Variants in PSD3 observed in about 807,000 individuals in gnomAD.
PSD3 encodes the protein pleckstrin and Sec7 domain containing 3.
A neutral mutation model predicts 105.5 loss-of-function variants in PSD3; 49 were observed. That is an observed-to-expected ratio of 0.46 (90% CI 0.37 to 0.59). The LOEUF (loss-of-function observed/expected upper bound fraction) is 0.59, where lower values mean the gene tolerates loss of function less well. Among genes scored for constraint, PSD3 ranks in the 20% least tolerant of loss-of-function variants. PSD3 has a pLI of 0.00. For synonymous variants in PSD3, 557 were observed against 457.8 expected (o/e 1.22, Z -2.77); for missense variants, 1,561 against 1,263.8 (o/e 1.24, Z -3.57).
chr8:19,029,202 G>A (rs1216595865), intron 1 of PSD3, among the ~76,000 whole-genome samples: 5 of 152,160 alleles, frequency 3.3e-5, no homozygotes, highest in Non-Finnish European at 2.9e-5. Flanking sequence ...AAAATGTCCA[G>A]TATGATGTCA....
intron 9 of PSD3, among the ~76,000 whole-genome samples, chr8:18,756,092 G>A (rs570256575): frequency 6.8e-4 from 104 of 152,226 alleles, no homozygotes; most frequent in African/African-American, 2.4e-3. Context: ...TCTCTTAAAA[G>A]GCTCTCCGAC....
intron 10 of PSD3, among the ~76,000 whole-genome samples, chr8:18,643,521 A>G (rs73587503): frequency 0.034 from 5,200 of 152,310 alleles, 285 homozygotes; most frequent in African/African-American, 0.12. Context: ...GGCCTGTGAA[A>G]TCAAACAAGT....
At chr8:18,717,512 A>G (rs1178615706) in intron 9 of PSD3, among the ~76,000 whole-genome samples, 3 of 152,320 alleles carry the variant, frequency 2.0e-5, no homozygotes, top group Non-Finnish European at 2.9e-5. Context: ...GAGCCAAAAC[A>G]TATTTTGCTC....
At chr8:19,072,041 C>G (rs534130982) in intron 1 of PSD3, among the ~76,000 whole-genome samples, 45 of 151,496 alleles carry the variant, frequency 3.0e-4, no homozygotes, top group Middle Eastern at 3.4e-3. Flanking sequence ...GTTAGAGGAC[C>G]CTGATGCACA....
chr8:19,067,599 G>A (rs991076617), intron 1 of PSD3, among the ~76,000 whole-genome samples: 5 of 152,190 alleles, frequency 3.3e-5, no homozygotes, highest in Admixed American at 2.0e-4. Flanking sequence ...ACAGTCGGGT[G>A]GTTCAGGCAC....
chr8:18,886,771 T>TTTGCC (rs1006725202), intron 2 of PSD3, among the ~76,000 whole-genome samples: 25 of 152,144 alleles, frequency 1.6e-4, no homozygotes, highest in African/African-American at 5.3e-4. Context: ...GGCAGCCCCT[T>TTTGCC]TTGCCCTGCA....
chr8:18,658,187 C>CA (rs1809041924), intron 9 of PSD3, among the ~76,000 whole-genome samples: 1 of 152,200 alleles, frequency 6.6e-6, no homozygotes, highest in African/African-American at 2.4e-5. Flanking sequence ...CAGTGGGTGT[C>CA]ATCCCTATTC....
intron 4 of PSD3, among the ~76,000 whole-genome samples, chr8:18,807,387 C>T (rs1161214691): frequency 6.6e-6 from 1 of 152,112 alleles, no homozygotes; most frequent in Non-Finnish European, 1.5e-5. Flanking sequence ...TCGGCAAGCA[C>T]CTGACATCCT....
rs55671346 is a variant in PSD3 at position 18,678,989 on chromosome 8, A to C, written c.2173-23304T>G. On this transcript the variant is annotated intron_variant, in intron 9 of 15. Coordinates refer to ENST00000327040, the MANE Select transcript of PSD3 (RefSeq NM_015310.4). ...TAAAGGATGAATTTATGAGGTTAAAAATGTACTCCTTCAACTTAGGAATAA... is the reference window on the plus strand; with the variant it reads ...TAAAGGATGAATTTATGAGGTTAAACATGTACTCCTTCAACTTAGGAATAA... Among the ~76,000 whole-genome samples the C allele has an allele frequency of 1.0e-4, 12 of 114,752 alleles. No individual in the cohort carries two copies. The East Asian group carries it at 1.3e-3, about 12-fold the overall frequency. 75.3% of individuals were successfully genotyped at this position (114,752 alleles called of 152,430 possible).
chr8:18,712,223 C>G (rs1802297831), intron 9 of PSD3, among the ~76,000 whole-genome samples: 1 of 151,680 alleles, frequency 6.6e-6, no homozygotes, highest in Non-Finnish European at 1.5e-5. Context: ...AACTAGAGAA[C>G]CAAGAGCAAA....
rs375872604 is a variant in PSD3, at chr8:18,865,286, ATTTT to A, written c.1634+2384_1634+2387del. The A allele has an allele frequency of 2.6e-3, 37 of 14,106 alleles. 1 individual carries two copies. The highest frequency in any genetic ancestry group is 0.01 in the African/African-American group (33 of 3,206). The allele number at this position is 14,106 out of a possible 1,614,324, so 0.9% of individuals were successfully genotyped here. A position where few individuals can be genotyped will look rare whatever the true frequency, so the allele number is the denominator to read the frequency against. ...TATATATATATATATATATATATAT[ATTTT>A]TTTTTTTTTTTTTTTTTTTAAAGGC... On this transcript the variant is annotated intron_variant, in intron 4 of 15. Transcript: ENST00000327040.
intron 15 of PSD3, among the ~76,000 whole-genome samples, chr8:18,544,580 T>TTC (rs1274262494): frequency 1.3e-5 from 2 of 152,266 alleles, no homozygotes; most frequent in Admixed American, 1.3e-4. Context: ...GTGAATTCCG[T>TTC]TCTTTTGATT....
intron 8 of PSD3, among the ~76,000 whole-genome samples, chr8:18,796,329 C>A (rs1453135071): frequency 1.3e-5 from 2 of 152,134 alleles, no homozygotes; most frequent in African/African-American, 2.4e-5. Context: ...CTAATGAGGT[C>A]AGCCTAGCCA....
chr8:18,584,331 A>C (rs963841075), intron 12 of PSD3, among the ~76,000 whole-genome samples: 4 of 152,210 alleles, frequency 2.6e-5, no homozygotes, highest in African/African-American at 9.6e-5. Context: ...GGGTGAAGTC[A>C]TAACAGTTAG....
At chr8:18,613,205 A>G (rs887615041) in intron 11 of PSD3, among the ~76,000 whole-genome samples, 6 of 152,078 alleles carry the variant, frequency 3.9e-5, no homozygotes, top group Non-Finnish European at 8.8e-5. Context: ...TTCAAGCCTA[A>G]AACAGCATGA....
At chr8:18,853,194 T>C (rs981397718) in intron 4 of PSD3, among the ~76,000 whole-genome samples, 1 of 152,162 alleles carries the variant, frequency 6.6e-6, no homozygotes, top group Admixed American at 6.5e-5. Context: ...ATTGTTATAC[T>C]GATGGGCTAG....
At chr8:18,616,641 T>TTTTTTTTTTG (rs1805699744) in intron 11 of PSD3, among the ~76,000 whole-genome samples, 1 of 126,082 alleles carries the variant, frequency 7.9e-6, no homozygotes, top group Non-Finnish European at 1.7e-5. Flanking sequence ...TTTTTTTTTT[T>TTTTTTTTTTG]GAGACGGAGT....
rs765783050 is a variant in PSD3 at position 18,891,425 on chromosome 8, C to T, written c.131-18692G>A. 3.9e-5 allele frequency among the ~76,000 whole-genome samples: 6 copies of T among 152,096 alleles called. No homozygotes were observed. In the South Asian group the frequency reaches 6.2e-4, roughly 16 times the overall value. On this transcript the variant is annotated intron_variant, in intron 2 of 15. Transcript: ENST00000327040. ...TAATTTGTCATAAGGATCTTTGCTA[C>T]GACTACAGTCTCCTTATCTTGCATC... is the stretch of plus-strand genomic sequence containing the variant.
chr8:18,782,119 C>G (rs1269036516), intron 8 of PSD3, among the ~76,000 whole-genome samples: 1 of 151,588 alleles, frequency 6.6e-6, no homozygotes. Context: ...TTCTGTAGTA[C>G]CTGGGTTTTC....
Sources: gnomAD v4.1 joint callset for allele counts (sites outside exome capture counted in the v4.1 genomes callset) on GRCh38, gnomAD v4.1.1 for gene constraint, MANE v1.5 for transcripts, NCBI Gene and HGNC (gene_info 2026-07-23, HGNC 2026-07-21) for gene names.